Variants in DENND2C observed in about 807,000 individuals in gnomAD.
DENND2C encodes DENN domain containing 2C.
In DENND2C, 72 loss-of-function variants were observed where a neutral mutation model predicts 112.4. The ratio of observed to expected loss-of-function variants is 0.64; its 90% CI spans 0.53 to 0.78. The LOEUF is 0.78. Ranked by LOEUF, DENND2C falls within the 30% of genes least tolerant of loss-of-function variation. DENND2C has a pLI of 0.00. For missense variants in DENND2C, 992 were observed against 1,113.8 expected, an observed-to-expected ratio of 0.89 and a Z score of 1.56; for synonymous variants, 329 against 381.6, an observed-to-expected ratio of 0.86 and a Z score of 1.61.
intron 1 of DENND2C, among the ~76,000 whole-genome samples, chr1:114,655,100 T>C (rs1657271699): frequency 6.6e-6 from 1 of 152,194 alleles, no homozygotes; most frequent in South Asian, 2.1e-4. Context: ...CTGAGTTCTA[T>C]TACTTAGAAG....
At chr1:114,615,353 T>G (rs1199024831) in intron 8 of DENND2C, among the ~76,000 whole-genome samples, 1 of 152,144 alleles carries the variant, frequency 6.6e-6, no homozygotes, top group Non-Finnish European at 1.5e-5. Context: ...CTGCTAAAAA[T>G]CAAGATTTAT....
intron 16 of DENND2C, among the ~76,000 whole-genome samples, 188 bp downstream of exon 16, chr1:114,599,086 G>A (rs898786207): frequency 6.6e-6 from 1 of 152,132 alleles, no homozygotes; most frequent in African/African-American, 2.4e-5. Context: ...TTGGATTTAT[G>A]TGTACTATCG....
Position 114,622,185 on chromosome 1 carries a change from C to G in DENND2C, c.1057-120G>C, listed in dbSNP as rs111446768. On this transcript the variant is annotated intron_variant, in intron 6 of 20. Transcript: ENST00000393274. ...CTGGAATGCAGTGGCACGATCATGG[C>G]TCATTGCAGCCTTGATCTCCTGAGC... 6.2e-3 allele frequency: 6,343 copies of G among 1,030,750 alleles called. 288 individuals carry two copies. In the African/African-American group the frequency reaches 0.092, roughly 15 times the overall value. The allele number at this position is 1,030,750 out of a possible 1,614,324, so 63.9% of individuals were successfully genotyped here.
intron 11 of DENND2C, 64 bp from the exon 12 acceptor site, chr1:114,602,258 C>A: frequency 6.5e-7 from 1 of 1,549,276 alleles, no homozygotes; most frequent in Admixed American, 1.7e-5. Context: ...CTCCATGGAA[C>A]AAACAATTGA....
At chr1:114,645,093 A>T (rs1473588615) in intron 3 of DENND2C, among the ~76,000 whole-genome samples, 1 of 152,232 alleles carries the variant, frequency 6.6e-6, no homozygotes, top group East Asian at 1.9e-4. Flanking sequence ...AGTAAGAGCA[A>T]TGTGATTAAA....
chr1:114,594,383 TG>T, intron 18 of DENND2C, 89 bp downstream of exon 18: 1 of 1,052,098 alleles, frequency 9.5e-7, no homozygotes, highest in Admixed American at 2.0e-5. Context: ...AATGCTACTT[TG>T]GTATATCCTT....
intron 1 of DENND2C, among the ~76,000 whole-genome samples, chr1:114,659,153 A>C (rs576919731): frequency 6.6e-6 from 1 of 152,276 alleles, no homozygotes; most frequent in African/African-American, 2.4e-5. Flanking sequence ...AGAACTAACA[A>C]TCTCTCTATA....
intron 8 of DENND2C, 102 bp downstream of exon 8, chr1:114,618,284 G>A (rs935310873): frequency 3.7e-5 from 28 of 763,024 alleles, no homozygotes; most frequent in Middle Eastern, 5.4e-4. Context: ...CACCACGCCC[G>A]GCCCCAAAAT....
intron 3 of DENND2C, among the ~76,000 whole-genome samples, chr1:114,632,860 G>A (rs191008442): frequency 6.6e-6 from 1 of 151,888 alleles, no homozygotes; most frequent in Non-Finnish European, 1.5e-5. Flanking sequence ...CATTCAACTC[G>A]TATGCAGGAT....
intron 11 of DENND2C, among the ~76,000 whole-genome samples, chr1:114,603,443 T>G (rs1476519425): frequency 1.3e-5 from 2 of 151,838 alleles, no homozygotes; most frequent in African/African-American, 4.8e-5. Flanking sequence ...CAATTTTTTT[T>G]TTTTTTAAGA....
intron 2 of DENND2C, among the ~76,000 whole-genome samples, chr1:114,652,864 T>C (rs1192146365): frequency 6.6e-6 from 1 of 151,770 alleles, no homozygotes; most frequent in Non-Finnish European, 1.5e-5. Flanking sequence ...CTTTAAATAA[T>C]CTCGAGATTA....
intron 3 of DENND2C, among the ~76,000 whole-genome samples, chr1:114,629,154 A>G (rs987702118): frequency 1.3e-5 from 2 of 152,248 alleles, no homozygotes; most frequent in African/African-American, 4.8e-5. Flanking sequence ...GAAGTCAGGT[A>G]GGATTCACAA....
At chr1:114,623,882 G>A (rs372126166) in intron 4 of DENND2C, among the ~76,000 whole-genome samples, 20 of 152,050 alleles carry the variant, frequency 1.3e-4, no homozygotes, top group East Asian at 3.9e-4. Flanking sequence ...GATTAGAGGC[G>A]CGTGCCACCA....
chr1:114,586,488 G>T (rs2101636545), intron 20 of DENND2C, among the ~76,000 whole-genome samples: 1 of 152,146 alleles, frequency 6.6e-6, no homozygotes, highest in Admixed American at 6.5e-5. Flanking sequence ...TTATATCAGG[G>T]AAGTTCATCT....
At chr1:114,643,962 T>C (rs1007857372) in intron 3 of DENND2C, among the ~76,000 whole-genome samples, 1 of 152,204 alleles carries the variant, frequency 6.6e-6, no homozygotes, top group Non-Finnish European at 1.5e-5. Flanking sequence ...ACCTTCCAAA[T>C]GACTACAATT....
chr1:114,655,515 G>A (rs1033755183), intron 1 of DENND2C, among the ~76,000 whole-genome samples: 6 of 151,958 alleles, frequency 3.9e-5, no homozygotes, highest in African/African-American at 9.7e-5. Flanking sequence ...ATGGAGTCTC[G>A]CTCTGTTGCC....
At chr1:114,587,226 G>T in intron 20 of DENND2C, 161 bp downstream of exon 20, 1 of 729,468 alleles carries the variant, frequency 1.4e-6, no homozygotes, top group Non-Finnish European at 2.3e-6. Context: ...TTAAAATTTT[G>T]TGTAGGGATG....
intron 18 of DENND2C, among the ~76,000 whole-genome samples, chr1:114,590,026 G>A (rs887619999): frequency 6.6e-6 from 1 of 152,176 alleles, no homozygotes; most frequent in African/African-American, 2.4e-5. Flanking sequence ...GTTTTTGTAT[G>A]TCTTTGAACG....
chr1:114,590,773 C>A (rs34809814), intron 18 of DENND2C, among the ~76,000 whole-genome samples: 1 of 111,074 alleles, frequency 9.0e-6, no homozygotes, highest in East Asian at 2.5e-4. Flanking sequence ...AGCGAGACTC[C>A]GTCTCAAAAA....
Sources: allele counts gnomAD v4.1 joint callset (sites outside exome capture counted in the v4.1 genomes callset), GRCh38; gene constraint gnomAD v4.1.1; transcripts MANE v1.5; gene names NCBI Gene and HGNC (gene_info 2026-07-23, HGNC 2026-07-21).